PRKCE: variants seen among roughly 807,000 people sequenced by gnomAD.
PRKCE encodes protein kinase C epsilon type.
PRKCE carries 16 observed loss-of-function variants against 85.4 expected under a neutral mutation model. The observed-to-expected ratio is 0.19, with a 90% CI of 0.13 to 0.28. The LOEUF (loss-of-function observed/expected upper bound fraction) is 0.28. Among genes scored for constraint, PRKCE ranks in the 10% least tolerant of loss-of-function variants. The pLI is 1.00. For synonymous variants in PRKCE, 388 were observed against 371.5 expected, an observed-to-expected ratio of 1.04 and a Z score of -0.51; for missense variants, 573 against 975.2, an observed-to-expected ratio of 0.59 and a Z score of 5.49.
chr2:46,039,191 G>A (rs888389363), intron 10 of PRKCE, among the ~76,000 whole-genome samples: 2 of 152,180 alleles, frequency 1.3e-5, no homozygotes, highest in East Asian at 3.8e-4. Context: ...ATGAGTGGAT[G>A]CAATGTTAAG....
rs1704539426 is a variant in PRKCE at position 46,000,026 on chromosome 2, C to A, written c.824-1378C>A. ...ATGCTGTGTACATTATCCATTAGAA[C>A]CCTTAGCATATTAATCATAGTTGTT... On this transcript the variant is annotated intron_variant, in intron 6 of 14. Transcript: ENST00000306156. Among the ~76,000 whole-genome samples the A allele has an allele frequency of 2.6e-5, 4 of 152,262 alleles. No individual in the cohort carries two copies. The South Asian group carries it at 8.3e-4, about 32-fold the overall frequency.
intron 2 of PRKCE, among the ~76,000 whole-genome samples, chr2:45,899,677 C>G (rs960714433): frequency 1.3e-5 from 2 of 152,206 alleles, no homozygotes; most frequent in Admixed American, 1.3e-4. Context: ...GCTACTGTGC[C>G]TAGCCCCTTC....
At chr2:45,717,226 C>T (rs1019595896) in intron 1 of PRKCE, among the ~76,000 whole-genome samples, 3 of 152,188 alleles carry the variant, frequency 2.0e-5, no homozygotes, top group African/African-American at 7.2e-5. Context: ...CCAGTTCTCC[C>T]ATTTGCCACC....
chr2:46,086,112 G>C, intron 10 of PRKCE, 96 bp from the exon 11 acceptor site: 8 of 1,323,730 alleles, frequency 6.0e-6, no homozygotes, highest in Non-Finnish European at 8.3e-6. Context: ...CTTCCCCCTT[G>C]AGTCTTGGTA....
chr2:46,085,737 TTTTTTTTTTTTGTTTTTG>T (rs537915965), intron 10 of PRKCE, among the ~76,000 whole-genome samples: 7,343 of 16,620 alleles, frequency 0.44, 1,535 homozygotes, highest in African/African-American at 0.6. Flanking sequence ...GCAAAATCCG[TTTTTTTTTTTTGTTTTTG>T]TTTTTTTTTT....
chr2:45,687,882 G>C (rs901173808), intron 1 of PRKCE, among the ~76,000 whole-genome samples: 1 of 152,224 alleles, frequency 6.6e-6, no homozygotes, highest in African/African-American at 2.4e-5. Context: ...GTTCTCGCTT[G>C]CTTTTGTGCT....
In PRKCE at chr2:45,677,331, G is replaced by GT. The variant is rs1553375032; in HGVS notation, c.348+24894dup. Among the ~76,000 whole-genome samples the GT allele has an allele frequency of 7.2e-3, 778 of 108,166 alleles. 4 individuals carry two copies. The highest frequency in any genetic ancestry group is 0.016 in the South Asian group (50 of 3,102). The allele number at this position is 108,166 out of a possible 152,430, so 71.0% of individuals were successfully genotyped here. A position where few individuals can be genotyped will look rare whatever the true frequency, so the allele number is the denominator to read the frequency against. On this transcript the variant is annotated intron_variant, in intron 1 of 14. Transcript: ENST00000306156. ...AGGAGCCAGTGAAGGTTTTTTTTTTGTTTTTTTTTTTGTTGTTGTTGTTTT... is the reference window on the plus strand; with the variant it reads ...AGGAGCCAGTGAAGGTTTTTTTTTTGTTTTTTTTTTTTGTTGTTGTTGTTTT...
intron 2 of PRKCE, among the ~76,000 whole-genome samples, chr2:45,893,635 T>C (rs1436862196): frequency 6.6e-6 from 1 of 151,528 alleles, no homozygotes; most frequent in Non-Finnish European, 1.5e-5. Flanking sequence ...GTGCTGGGAT[T>C]ACAGGCATGA....
intron 10 of PRKCE, among the ~76,000 whole-genome samples, chr2:46,045,442 C>T (rs1022373512): frequency 1.3e-5 from 2 of 152,206 alleles, no homozygotes; most frequent in Non-Finnish European, 2.9e-5. Flanking sequence ...GACAGGCTAG[C>T]GCCAGGTTCA....
chr2:45,945,365 A>G (rs373693857), intron 2 of PRKCE, among the ~76,000 whole-genome samples: 121 of 151,702 alleles, frequency 8.0e-4, no homozygotes, highest in African/African-American at 2.8e-3. Context: ...AGCTGAAGCA[A>G]GAGCGGGGAG....
intron 1 of PRKCE, among the ~76,000 whole-genome samples, chr2:45,781,103 C>T (rs567900543): frequency 3.3e-5 from 5 of 151,988 alleles, no homozygotes; most frequent in African/African-American, 7.2e-5. Flanking sequence ...GAGGCTGAGG[C>T]GGGAGGATCA....
At chr2:45,954,339 A>G (rs1700830921) in intron 2 of PRKCE, among the ~76,000 whole-genome samples, 1 of 152,202 alleles carries the variant, frequency 6.6e-6, no homozygotes, top group Admixed American at 6.5e-5. Context: ...TGAAGAGCAG[A>G]CAATTTTCTT....
intron 1 of PRKCE, among the ~76,000 whole-genome samples, chr2:45,799,059 A>T (rs1051897817): frequency 6.6e-6 from 1 of 152,102 alleles, no homozygotes; most frequent in East Asian, 1.9e-4. Flanking sequence ...CCAGCTACTC[A>T]GGAGGCTGAG....
intron 2 of PRKCE, among the ~76,000 whole-genome samples, chr2:45,865,391 A>C (rs907956264): frequency 6.6e-6 from 1 of 152,172 alleles, no homozygotes; most frequent in African/African-American, 2.4e-5. Context: ...ATAGCTCCCC[A>C]GGTGATTTGA....
chr2:45,829,758 G>A (rs971642094), intron 1 of PRKCE, among the ~76,000 whole-genome samples: 1 of 152,192 alleles, frequency 6.6e-6, no homozygotes, highest in Non-Finnish European at 1.5e-5. Context: ...CACTATGGAA[G>A]GGCCTAACTT....
chr2:45,949,428 T>G (rs1700469496), intron 2 of PRKCE, among the ~76,000 whole-genome samples: 1 of 149,480 alleles, frequency 6.7e-6, no homozygotes, highest in Non-Finnish European at 1.5e-5. Flanking sequence ...TGATTGTTGT[T>G]TTTTTTTTTT....
At chr2:45,797,798 C>T (rs1431185771) in intron 1 of PRKCE, among the ~76,000 whole-genome samples, 2 of 152,218 alleles carry the variant, frequency 1.3e-5, no homozygotes, top group Non-Finnish European at 2.9e-5. Flanking sequence ...GCGCTTGGCG[C>T]TTTCAGCATA....
intron 1 of PRKCE, among the ~76,000 whole-genome samples, chr2:45,830,446 C>A: frequency 6.6e-6 from 1 of 152,068 alleles, no homozygotes; most frequent in African/African-American, 2.4e-5. Flanking sequence ...AGGAAATCTC[C>A]TAGACTATGG....
chr2:46,142,223 C>G (rs1675610268), intron 11 of PRKCE, among the ~76,000 whole-genome samples: 1 of 152,186 alleles, frequency 6.6e-6, no homozygotes, highest in African/African-American at 2.4e-5. Context: ...TGAGCTATCC[C>G]ATCCACTGAA....
Sources: gnomAD v4.1 joint callset for allele counts (sites outside exome capture counted in the v4.1 genomes callset) on GRCh38, gnomAD v4.1.1 for gene constraint, MANE v1.5 for transcripts, NCBI Gene and HGNC (gene_info 2026-07-23, HGNC 2026-07-21) for gene names.